ECPAS: variants seen among roughly 807,000 people sequenced by gnomAD.
ECPAS encodes proteasome adapter and scaffold protein ECM29.
A neutral mutation model predicts 255.1 loss-of-function variants in ECPAS; 70 were observed. That is an observed-to-expected ratio of 0.27 (90% CI 0.23 to 0.33). The LOEUF is 0.33. Ranked by LOEUF, ECPAS falls within the 10% of genes least tolerant of loss-of-function variation. The pLI is 1.00. For missense variants in ECPAS, 1,817 were observed against 2,206.4 expected (o/e 0.82, Z 3.54); for synonymous variants, 784 against 775.0 (o/e 1.01, Z -0.19).
At chr9:111,413,452 T>C (rs548852981) in intron 20 of ECPAS, among the ~76,000 whole-genome samples, 33 of 152,308 alleles carry the variant, frequency 2.2e-4, no homozygotes, top group African/African-American at 7.7e-4. Flanking sequence ...CATGTTTTTA[T>C]GTGTATGTAC....
rs764090326 is a variant in ECPAS at position 111,420,085 on chromosome 9, A to C, written c.1491T>G (p.Phe497Leu). The C allele has an allele frequency of 6.2e-7, 1 of 1,613,068 alleles. No individual in the cohort carries two copies. The highest frequency in any genetic ancestry group is 8.5e-7 in the Non-Finnish European group (1 of 1,179,358). Residue 497 changes from phenylalanine to leucine, a missense_variant, in exon 16 of 50, where the codon TTT becomes TTG. Physicochemically the swap from Phe to Leu is conservative, Grantham distance 22. Around this residue, in one of 4 missense-constraint regions of ECPAS, gnomAD observed 573 missense variants for 716.2 expected, o/e 0.80. Coordinates refer to ENST00000684092, the MANE Select transcript of ECPAS (RefSeq NM_001364929.1). Reference sequence around the variant, plus strand: ...GATCTGAGGGAAACACCGTACTGGCAAATTTCACAGCCACTTGTCGAACTT... The same window carrying C: ...GATCTGAGGGAAACACCGTACTGGCCAATTTCACAGCCACTTGTCGAACTT... ...EVQVRQVAVK[F>L]ASTVFPSDHI...
At chr9:111,413,718 G>A (rs1369025605) in intron 20 of ECPAS, among the ~76,000 whole-genome samples, 177 bp downstream of exon 20, 1 of 151,670 alleles carries the variant, frequency 6.6e-6, no homozygotes, top group Non-Finnish European at 1.5e-5. Flanking sequence ...TCCTCCAGAT[G>A]TGTCAATGAG....
At position 111,366,007 on chromosome 9, in the gene ECPAS, A is replaced by G. The variant is rs897313167; in HGVS notation, c.5308+232T>C. On this transcript the variant is annotated intron_variant, in intron 48 of 49. Transcript: ENST00000684092. The stretch of plus-strand genomic sequence containing the variant: ...AGTTTGAAATTACTTTCAAGTAACA[A>G]TTTTGTAAAAATACTTGTCACGAAG... The G allele has an allele frequency of 4.5e-5, 23 of 510,846 alleles. No homozygotes were observed. In the South Asian group the frequency reaches 5.7e-4, roughly 13 times the overall value. 31.6% of individuals were successfully genotyped at this position (510,846 alleles called of 1,614,324 possible). A position where few individuals can be genotyped will look rare whatever the true frequency, so the allele number is the denominator to read the frequency against.
At chr9:111,393,608 C>T in intron 27 of ECPAS, 72 bp downstream of exon 27, 1 of 1,001,626 alleles carries the variant, frequency 1.0e-6, no homozygotes, top group African/African-American at 1.6e-5. Flanking sequence ...CTTTCATGTT[C>T]ATTAATCCAG....
rs376705714 is a variant in ECPAS, at chr9:111,414,485, G to A, written c.1931C>T (p.Thr644Ile). The A allele has an allele frequency of 1.2e-6, 2 of 1,614,000 alleles. No individual in the cohort carries two copies. Among genetic ancestry groups the A allele is most frequent in the Admixed American group, 1.7e-5 (1 of 60,028 alleles). ...APSSSNKSGE[T>I]NPVQIYIGLL... ...GCCAATGTAGATCTGGACAGGGTTAGTCTCCCCACTCTTGTTAGATGATGA... is the reference window on the plus strand; with the variant it reads ...GCCAATGTAGATCTGGACAGGGTTAATCTCCCCACTCTTGTTAGATGATGA... The change falls in exon 19 of 50, where the codon ACT (threonine) becomes ATT (isoleucine). Residue 644 changes from threonine (T) to isoleucine (I), a missense_variant. Coordinates refer to ENST00000684092, the MANE Select transcript of ECPAS (RefSeq NM_001364929.1).
intron 1 of ECPAS, 140 bp from the exon 2 acceptor site, chr9:111,473,140 TATA>T (rs1280072812): frequency 1.2e-5 from 2 of 167,280 alleles, no homozygotes; most frequent in Non-Finnish European, 2.5e-5. Context: ...GAAAAAAAAT[TATA>T]ATGACTATCA....
chr9:111,392,890 A>G lies in ECPAS; in HGVS notation c.2978-8T>C. The G allele has an allele frequency of 6.3e-7, 1 of 1,585,422 alleles. No individual in the cohort carries two copies. The highest frequency in any genetic ancestry group is 8.6e-7 in the Non-Finnish European group (1 of 1,164,028). ...CAACATCTTGGCTAAGTTCTACAAGAAAGTCAGACAAGATTGTATCACTTT... is the reference window on the plus strand; with the variant it reads ...CAACATCTTGGCTAAGTTCTACAAGGAAGTCAGACAAGATTGTATCACTTT... On this transcript the variant is annotated splice_polypyrimidine_tract_variant and splice_region_variant and intron_variant, in intron 27 of 49. Transcript: ENST00000684092.
At chr9:111,372,761 G>T in intron 41 of ECPAS, 141 bp from the exon 42 acceptor site, 2 of 729,444 alleles carry the variant, frequency 2.7e-6, no homozygotes, top group Non-Finnish European at 4.3e-6. Flanking sequence ...CTGGGTTGTG[G>T]TGGCTTACAC....
intron 9 of ECPAS, among the ~76,000 whole-genome samples, chr9:111,429,473 C>T (rs2098226647): frequency 6.6e-6 from 1 of 152,132 alleles, no homozygotes; most frequent in Non-Finnish European, 1.5e-5. Flanking sequence ...ATGGACCACA[C>T]TGTGAGAACC....
Position 111,479,625 on chromosome 9 carries a change from G to T in ECPAS, c.-83+4491C>A, listed in dbSNP as rs1056988828. 2.0e-5 allele frequency among the ~76,000 whole-genome samples: 3 copies of T among 151,718 alleles called. No homozygotes were observed. The East Asian group carries it at 5.8e-4, about 29-fold the overall frequency. ...AGACAACAAAAAAAATTGTTAAGGT[G>T]GTAAATTTTATGTTATGTGTATTTT... is the stretch of plus-strand genomic sequence containing the variant. On this transcript the variant is annotated intron_variant, in intron 1 of 49. Coordinates refer to ENST00000684092, the MANE Select transcript of ECPAS (RefSeq NM_001364929.1).
In ECPAS at chr9:111,411,122, T is replaced by C; in HGVS notation, c.2235A>G (p.Gly745=). Residue 745 remains glycine, a synonymous_variant, in exon 22 of 50, where the codon GGA becomes GGG. Transcript: ENST00000684092. ...KDNHSPEIQH[G]SLLALGFTVG... Reference sequence around the variant, plus strand: ...CCGTGAATCCCAATGCAAGCAAGGATCCATGCTGTATCTCCGGGCTCTGAA... The same window carrying C: ...CCGTGAATCCCAATGCAAGCAAGGACCCATGCTGTATCTCCGGGCTCTGAA... 1 of 1,613,802 alleles carries C rather than the reference T, an allele frequency of 6.2e-7. No individual in the cohort carries two copies. The highest frequency in any genetic ancestry group is 8.5e-7 in the Non-Finnish European group (1 of 1,179,816).
At chr9:111,379,033 A>G (rs1415231920) in intron 35 of ECPAS, among the ~76,000 whole-genome samples, 1 of 152,248 alleles carries the variant, frequency 6.6e-6, no homozygotes, top group Non-Finnish European at 1.5e-5. Flanking sequence ...GTAGGAATTT[A>G]TAGTAGGCAT....
intron 20 of ECPAS, 75 bp from the exon 21 acceptor site, chr9:111,412,223 T>C: frequency 4.0e-6 from 5 of 1,265,526 alleles, no homozygotes; most frequent in Non-Finnish European, 5.2e-6. Flanking sequence ...CTTTTAAAAT[T>C]AAAAGAACGT....
chr9:111,444,388 G>A lies in ECPAS; in HGVS notation c.260C>T (p.Ser87Phe), dbSNP rs1281731403. Residue 87 changes from serine (S) to phenylalanine (F), a missense_variant, in exon 4 of 50, where the codon TCC becomes TTC. Around this residue, in one of 4 missense-constraint regions of ECPAS, gnomAD observed 90 missense variants for 158.5 expected, o/e 0.57. Transcript: ENST00000684092. The part of the protein sequence containing the change: ...LVQYQDPAAV[S>F]FVTNFTIIYV... ...CAATACAACACTCACTGTGACAAAG[G>A]AAACTGCAGCAGGGTCCTGGTACTG... The A allele has an allele frequency of 6.2e-7, 1 of 1,608,838 alleles. No individual in the cohort carries two copies. Among genetic ancestry groups the A allele is most frequent in the African/African-American group, 1.3e-5 (1 of 74,678 alleles).
chr9:111,384,610 T>C, intron 33 of ECPAS, 41 bp from the exon 34 acceptor site: 1 of 1,581,488 alleles, frequency 6.3e-7, no homozygotes, highest in Non-Finnish European at 8.7e-7. Flanking sequence ...AGTTAGAGAG[T>C]TTCACTATCA....
At chr9:111,408,482 C>T in intron 24 of ECPAS, 89 bp downstream of exon 24, 1 of 720,994 alleles carries the variant, frequency 1.4e-6, no homozygotes, top group Non-Finnish European at 2.2e-6. Flanking sequence ...AATTAAAAAT[C>T]TCACAGCATG....
In ECPAS at chr9:111,410,201, T is replaced by C. The variant is rs776454890; in HGVS notation, c.2390A>G (p.Asp797Gly). The C allele has an allele frequency of 6.2e-7, 1 of 1,608,898 alleles. No individual in the cohort carries two copies. The change falls in exon 23 of 50, where the codon GAC (aspartate) becomes GGC (glycine). Residue 797 changes from aspartate to glycine, a missense_variant. Asp to Gly is a moderately conservative substitution (Grantham distance 94, BLOSUM62 -1). Around this residue, in one of 4 missense-constraint regions of ECPAS, gnomAD observed 194 missense variants for 152.8 expected, o/e 1.27. Coordinates refer to ENST00000684092, the MANE Select transcript of ECPAS (RefSeq NM_001364929.1). ...AATTGCCAGGAGGGGTGATGTACTG[T>C]CCAAAAATGAGCCTGTAAGCACATT... ...SATETIGSFL[D>G]STSPLLAIAA...
At chr9:111,482,738 A>G (rs955750327) in intron 1 of ECPAS, among the ~76,000 whole-genome samples, 2 of 152,026 alleles carry the variant, frequency 1.3e-5, no homozygotes, top group Admixed American at 6.5e-5. Context: ...CCTATGTCCT[A>G]TGAAACTTCG....
intron 12 of ECPAS, among the ~76,000 whole-genome samples, chr9:111,423,449 T>C (rs2098217212): frequency 6.6e-6 from 1 of 152,104 alleles, no homozygotes; most frequent in South Asian, 2.1e-4. Context: ...TCCATCACAC[T>C]AACTAAAAGG....
Sources: gnomAD v4.1 joint callset for allele counts (sites outside exome capture counted in the v4.1 genomes callset) on GRCh38, gnomAD v4.1.1 for gene constraint, gnomAD v4.1.1 regional missense constraint, MANE v1.5 for transcripts, NCBI Gene and HGNC (gene_info 2026-07-23, HGNC 2026-07-21) for gene names.